The following PDE4D variants were observed in gnomAD, a reference collection of about 807,000 sequenced individuals.
PDE4D encodes the protein phosphodiesterase 4D.
Under a neutral mutation model 87.4 loss-of-function variants are expected in PDE4D, and 24 were observed. That is an observed-to-expected ratio of 0.27 (90% confidence interval 0.20 to 0.39). The LOEUF is 0.39. PDE4D is among the 10% of genes least tolerant of loss of function. PDE4D has a pLI of 1.00. For synonymous variants in PDE4D, 384 were observed against 383.2 expected, an observed-to-expected ratio of 1.00 and a Z score of -0.02; for missense variants, 714 against 1,041.0, an observed-to-expected ratio of 0.69 and a Z score of 4.32.
chr5:59,664,594 C>T (rs1745767313), intron 1 of PDE4D, among the ~76,000 whole-genome samples: 1 of 152,024 alleles, frequency 6.6e-6, no homozygotes, highest in Non-Finnish European at 1.5e-5. Flanking sequence ...TTTCATTTTG[C>T]CTGTTTTATA....
chr5:59,390,877 A>C (rs1473431327), intron 1 of PDE4D, among the ~76,000 whole-genome samples: 1 of 152,146 alleles, frequency 6.6e-6, no homozygotes, highest in African/African-American at 2.4e-5. Flanking sequence ...AAGAGGAAGA[A>C]AAGGTAACTA....
In PDE4D at chr5:60,240,154, T is replaced by A. The variant is rs532341887; in HGVS notation, c.-89-54467A>T. On this transcript the variant is annotated intron_variant, in intron 1 of 16. Coordinates refer to the PDE4D transcript ENST00000502484. ...CACATTTTTCTTTTATTATACTTTATATTTGCTTTGCCTACTCTCTAAGTT... is the reference window on the plus strand; with the variant it reads ...CACATTTTTCTTTTATTATACTTTAAATTTGCTTTGCCTACTCTCTAAGTT... Among the ~76,000 whole-genome samples the A allele has an allele frequency of 7.2e-5, 11 of 152,242 alleles. No individual in the cohort carries two copies. In the East Asian group the frequency reaches 2.1e-3, roughly 29 times the overall value.
chr5:59,317,892 C>T (rs950638724), intron 1 of PDE4D, among the ~76,000 whole-genome samples: 57 of 152,120 alleles, frequency 3.7e-4, no homozygotes, highest in African/African-American at 1.4e-3. Context: ...CCCTCTGTTA[C>T]GATGGTTGAC....
chr5:59,644,871 C>T (rs1236528952), intron 1 of PDE4D, among the ~76,000 whole-genome samples: 1 of 152,064 alleles, frequency 6.6e-6, no homozygotes, highest in African/African-American at 2.4e-5. Context: ...TAAAATTAAT[C>T]GAGGGGAATA....
chr5:59,615,585 C>T (rs150023193), intron 1 of PDE4D, among the ~76,000 whole-genome samples: 1 of 152,292 alleles, frequency 6.6e-6, no homozygotes, highest in East Asian at 1.9e-4. Flanking sequence ...AACAAGCTAA[C>T]AGTGACCAAA....
Position 59,457,177 on chromosome 5 carries a change from G to T in PDE4D, c.456-241209C>A, listed in dbSNP as rs116330004. On this transcript the variant is annotated intron_variant, in intron 1 of 14. Coordinates refer to ENST00000340635, the MANE Select transcript of PDE4D (RefSeq NM_001104631.2). ...ATGAAGAGAAAAGTCAATAAATGTGGTAAACTTTATTGTTGCCTGGTTTTA... is the reference window on the plus strand; with the variant it reads ...ATGAAGAGAAAAGTCAATAAATGTGTTAAACTTTATTGTTGCCTGGTTTTA... Among the ~76,000 whole-genome samples, 1,188 of 152,240 alleles carry T rather than the reference G, an allele frequency of 7.8e-3. 14 individuals are homozygous for T. Among genetic ancestry groups the T allele is most frequent in the Middle Eastern group, 0.014 (4 of 294 alleles).
At chr5:60,046,843 C>G (rs1290794661) in intron 2 of PDE4D, among the ~76,000 whole-genome samples, 1 of 152,110 alleles carries the variant, frequency 6.6e-6, no homozygotes, top group Non-Finnish European at 1.5e-5. Context: ...TTGGTTGTGT[C>G]TCTGCCTGGC....
chr5:59,628,814 C>G (rs1425946718), intron 1 of PDE4D, among the ~76,000 whole-genome samples: 2 of 152,148 alleles, frequency 1.3e-5, no homozygotes, highest in Non-Finnish European at 2.9e-5. Flanking sequence ...TTAGTCCGTT[C>G]TCATCCCACT....
In PDE4D at chr5:59,253,222, C is replaced by T. The variant is rs1308940675; in HGVS notation, c.456-37254G>A. ...ATCTCTATTTGTTTCTTTAAAAATG[C>T]TGTGATTAGTTACTGTCTTTTCCTT... On this transcript the variant is annotated intron_variant, in intron 1 of 14. Coordinates refer to ENST00000340635, the MANE Select transcript of PDE4D (RefSeq NM_001104631.2). 3.3e-5 allele frequency among the ~76,000 whole-genome samples: 5 copies of T among 152,054 alleles called. No individual in the cohort carries two copies. The East Asian group carries it at 5.8e-4, about 18-fold the overall frequency.
chr5:59,670,176 T>C (rs1390435674), intron 1 of PDE4D, among the ~76,000 whole-genome samples: 1 of 152,176 alleles, frequency 6.6e-6, no homozygotes, highest in Admixed American at 6.5e-5. Context: ...AATAATAATA[T>C]ATCTAATTCA....
Position 60,012,489 on chromosome 5 carries a change from G to T in PDE4D, c.43-23772C>A, listed in dbSNP as rs570124563. ...AGCATGAGGAAAGATAAGATGCTCAGAATGATTCAGAAAAAATCCTGACTT... is the reference window on the plus strand; with the variant it reads ...AGCATGAGGAAAGATAAGATGCTCATAATGATTCAGAAAAAATCCTGACTT... On this transcript the variant is annotated intron_variant, in intron 2 of 16. Transcript: ENST00000502484. Among the ~76,000 whole-genome samples, 20 of 152,320 alleles carry T rather than the reference G, an allele frequency of 1.3e-4. No homozygotes were observed. In the South Asian group the frequency reaches 3.3e-3, roughly 25 times the overall value.
At chr5:59,339,499 G>A (rs1198683136) in intron 1 of PDE4D, among the ~76,000 whole-genome samples, 1 of 152,168 alleles carries the variant, frequency 6.6e-6, no homozygotes. Flanking sequence ...ATTTTAAAAA[G>A]TTAAACAGTT....
intron 1 of PDE4D, among the ~76,000 whole-genome samples, chr5:59,258,637 C>T (rs1761411603): frequency 6.7e-6 from 1 of 149,060 alleles, no homozygotes; most frequent in Admixed American, 6.7e-5. Context: ...AACTGAGATA[C>T]ATTGTTATAT....
At chr5:59,677,561 A>G (rs1393035948) in intron 1 of PDE4D, among the ~76,000 whole-genome samples, 1 of 152,230 alleles carries the variant, frequency 6.6e-6, no homozygotes, top group Non-Finnish European at 1.5e-5. Flanking sequence ...ATCATAAGTT[A>G]TAAAGCTCAG....
chr5:59,243,091 T>C (rs955455470), intron 1 of PDE4D, among the ~76,000 whole-genome samples: 1 of 152,154 alleles, frequency 6.6e-6, no homozygotes, highest in African/African-American at 2.4e-5. Flanking sequence ...CTGATACTGC[T>C]ACATGAACCA....
At chr5:59,825,127 C>A (rs1270797564) in intron 1 of PDE4D, among the ~76,000 whole-genome samples, 1 of 152,138 alleles carries the variant, frequency 6.6e-6, no homozygotes, top group Non-Finnish European at 1.5e-5. Flanking sequence ...CTCAACTGTC[C>A]TTACCCCAGA....
rs556191601 is a variant in PDE4D, at chr5:58,992,762, T to A, written c.1015+610A>T. On this transcript the variant is annotated intron_variant, in intron 7 of 14. Transcript: ENST00000340635. ...CCTTATATATAGAACATATTCTAAG[T>A]GTTTAATAAATGTTAACTATATATA... Among the ~76,000 whole-genome samples the A allele has an allele frequency of 6.6e-5, 10 of 152,314 alleles. No individual in the cohort carries two copies. In the East Asian group the frequency reaches 1.7e-3, roughly 26 times the overall value.
intron 2 of PDE4D, among the ~76,000 whole-genome samples, chr5:60,138,691 C>T (rs1780257634): frequency 6.6e-6 from 1 of 151,976 alleles, no homozygotes; most frequent in Admixed American, 6.6e-5. Context: ...TCTGAAGTGC[C>T]TACAAATGTG....
chr5:59,033,928 T>G (rs1245005972), intron 6 of PDE4D, among the ~76,000 whole-genome samples: 1 of 152,176 alleles, frequency 6.6e-6, no homozygotes, highest in Non-Finnish European at 1.5e-5. Flanking sequence ...AAACTTTCAC[T>G]AAATACTGGC....
Sources: gnomAD v4.1 joint callset for allele counts (sites outside exome capture counted in the v4.1 genomes callset) on GRCh38, gnomAD v4.1.1 for gene constraint, MANE v1.5 for transcripts, NCBI Gene and HGNC (gene_info 2026-07-23, HGNC 2026-07-21) for gene names.